The following ANKRD62 variants were observed in gnomAD, a reference collection of about 807,000 sequenced individuals.
ANKRD62 encodes ankyrin repeat domain 62.
A neutral mutation model predicts 98.8 loss-of-function variants in ANKRD62; 61 were observed. The ratio of observed to expected loss-of-function variants is 0.62; its 90% CI spans 0.50 to 0.76. The LOEUF is 0.76. Ranked by LOEUF, ANKRD62 falls within the 30% of genes least tolerant of loss-of-function variation. The probability of loss-of-function intolerance (pLI) is 0.00; values close to 1 mark genes in which losing one functional copy is unlikely to be tolerated. For synonymous variants in ANKRD62, 341 were observed against 367.9 expected (o/e 0.93, Z 0.84); for missense variants, 933 against 1,082.9 (o/e 0.86, Z 1.94).
At chr18:12,174,188 T>G in the ANKRD62 span, among the ~76,000 whole-genome samples, 12 of 152,192 alleles carry the variant, frequency 7.9e-5, no homozygotes, top group African/African-American at 2.9e-4. Flanking sequence ...TTTTGTTCAT[T>G]CCTTTTTATT....
the ANKRD62 span, among the ~76,000 whole-genome samples, chr18:12,138,199 C>T: frequency 6.6e-6 from 1 of 152,086 alleles, no homozygotes; most frequent in Non-Finnish European, 1.5e-5. Flanking sequence ...ATAAATTTCC[C>T]TCTACACACT....
At chr18:12,130,926 G>A (rs576343758), downstream of ANKRD62, among the ~76,000 whole-genome samples, 1 of 152,158 alleles carries the variant, frequency 6.6e-6, no homozygotes, top group Non-Finnish European at 1.5e-5. Context: ...CTGACCTCAG[G>A]TGATCCACTT....
In ANKRD62 at chr18:12,096,179, TTTTTGCTG is replaced by T; in HGVS notation, c.508-10_508-3del. 3 of 1,464,256 alleles carry T rather than the reference TTTTTGCTG, an allele frequency of 2.0e-6. No homozygotes were observed. The highest frequency in any genetic ancestry group is 2.8e-6 in the Non-Finnish European group (3 of 1,086,362). The allele number at this position is 1,464,256 out of a possible 1,614,324, so 90.7% of individuals were successfully genotyped here. On this transcript the variant is annotated splice_polypyrimidine_tract_variant and intron_variant, in intron 3 of 13. Transcript: ENST00000587848. ...ATGTAATTTTGTGAATTATAAATTG[TTTTTGCTG>T]TTTTGCAGGATGGACATACATCACT... is the stretch of plus-strand genomic sequence containing the variant.
the ANKRD62 span, among the ~76,000 whole-genome samples, chr18:12,150,862 C>T: frequency 9.2e-5 from 14 of 152,218 alleles, no homozygotes; most frequent in South Asian, 1.2e-3. Flanking sequence ...ATACACAGAC[C>T]ACTGACACTA....
At chr18:12,176,370 A>G in the ANKRD62 span, among the ~76,000 whole-genome samples, 2 of 137,924 alleles carry the variant, frequency 1.5e-5, no homozygotes, top group Non-Finnish European at 3.1e-5. Context: ...GTTAAAATCT[A>G]TGTTTGAAAA....
At chr18:12,112,004 G>T (rs186769689) in intron 8 of ANKRD62, among the ~76,000 whole-genome samples, 2 of 151,698 alleles carry the variant, frequency 1.3e-5, no homozygotes, top group East Asian at 3.9e-4. Flanking sequence ...CAGTTACTTG[G>T]GAGGCTGAGG....
intron 8 of ANKRD62, among the ~76,000 whole-genome samples, chr18:12,112,446 C>G (rs1175397954): frequency 6.6e-6 from 1 of 152,106 alleles, no homozygotes; most frequent in Non-Finnish European, 1.5e-5. Context: ...TTCAACAAAC[C>G]TGACAAAAAG....
In ANKRD62 at chr18:12,093,868, C is replaced by T. The variant is rs889664119; in HGVS notation, c.-150C>T. 1.4e-6 allele frequency: 1 copy of T among 718,418 alleles called. No individual in the cohort carries two copies. Among genetic ancestry groups the T allele is most frequent in the African/African-American group, 1.7e-5 (1 of 57,150 alleles). The allele number at this position is 718,418 out of a possible 1,614,324, so 44.5% of individuals were successfully genotyped here. ...GGCTCTGCTGGGCTAGGTGCTCCTC[C>T]GAGCAGCTGGAGACTGGAGTGTCCC... On this transcript the variant is annotated 5_prime_UTR_variant, in exon 1 of 14. Transcript: ENST00000587848.
At chr18:12,167,127 T>C in the ANKRD62 span, among the ~76,000 whole-genome samples, 1 of 151,578 alleles carries the variant, frequency 6.6e-6, no homozygotes, top group Non-Finnish European at 1.5e-5. Flanking sequence ...ATACTAAGTT[T>C]TTTAAATTTT....
chr18:12,101,136 C>CT lies in ANKRD62; in HGVS notation c.820+1463dup, dbSNP rs201740654. ...ATTTGCTATTCTTAACTGAAAAACACTTTTTTTTTGCAAGCCATTAGGTTC... is the reference window on the plus strand; with the variant it reads ...ATTTGCTATTCTTAACTGAAAAACACTTTTTTTTTTGCAAGCCATTAGGTTC... On this transcript the variant is annotated intron_variant, in intron 6 of 13. Coordinates refer to ENST00000587848, the MANE Select transcript of ANKRD62 (RefSeq NM_001277333.2). Among the ~76,000 whole-genome samples, 153 of 151,276 alleles carry CT rather than the reference C, an allele frequency of 1.0e-3. 1 individual carries two copies. Among genetic ancestry groups the CT allele is most frequent in the Admixed American group, 2.1e-3 (32 of 15,154 alleles).
downstream of ANKRD62, among the ~76,000 whole-genome samples, chr18:12,134,053 T>A (rs181312282): frequency 3.9e-3 from 591 of 152,340 alleles, 2 homozygotes; most frequent in Middle Eastern, 6.8e-3. Context: ...TTTACCTTAC[T>A]GAGGAAACTT....
the ANKRD62 span, among the ~76,000 whole-genome samples, chr18:12,136,823 G>T: frequency 6.6e-6 from 1 of 152,200 alleles, no homozygotes; most frequent in Non-Finnish European, 1.5e-5. Context: ...GTGAATGGAA[G>T]TACACTCATG....
intron 6 of ANKRD62, chr18:12,102,628 GA>G: frequency 1.5e-6 from 1 of 680,722 alleles, no homozygotes; most frequent in Non-Finnish European, 1.9e-6. Flanking sequence ...CAGAATCAGA[GA>G]AGAGTTTACA....
intron 10 of ANKRD62, among the ~76,000 whole-genome samples, 158 bp downstream of exon 10, chr18:12,115,692 T>C (rs1265041609): frequency 1.3e-5 from 2 of 152,284 alleles, no homozygotes; most frequent in East Asian, 3.9e-4. Flanking sequence ...CTCTATCTTG[T>C]ATACTCTTAG....
chr18:12,137,192 C>G, the ANKRD62 span, among the ~76,000 whole-genome samples: 6 of 152,052 alleles, frequency 3.9e-5, no homozygotes, highest in Non-Finnish European at 7.4e-5. Flanking sequence ...GTTTGTCATA[C>G]ATAGCTCTTA....
chr18:12,138,859 T>G, the ANKRD62 span, among the ~76,000 whole-genome samples: 1 of 152,196 alleles, frequency 6.6e-6, no homozygotes, highest in African/African-American at 2.4e-5. Context: ...GAGAGTAGGA[T>G]TGCAACCCCT....
chr18:12,102,067 G>A (rs1191312094), intron 6 of ANKRD62: 3 of 1,390,270 alleles, frequency 2.2e-6, no homozygotes, highest in African/African-American at 2.8e-5. Flanking sequence ...CCCAGCAAAG[G>A]TTAAAGCTGA....
intron 8 of ANKRD62, among the ~76,000 whole-genome samples, chr18:12,111,073 C>A (rs150874403): frequency 0.011 from 1,694 of 151,694 alleles, 31 homozygotes; most frequent in African/African-American, 0.039. Flanking sequence ...CATGATGAAA[C>A]CCTGTCTCTA....
At chr18:12,098,319 A>T (rs1317594690) in intron 5 of ANKRD62, 1 of 152,276 alleles carries the variant, frequency 6.6e-6, no homozygotes, top group Non-Finnish European at 1.5e-5. Context: ...ATATTACCTC[A>T]TAGGAAGCCA....
Sources: gnomAD v4.1 joint callset for allele counts (sites outside exome capture counted in the v4.1 genomes callset) on GRCh38, gnomAD v4.1.1 for gene constraint, MANE v1.5 for transcripts, NCBI Gene and HGNC (gene_info 2026-07-23, HGNC 2026-07-21) for gene names.